The following SLC24A4 variants were observed in gnomAD, a reference collection of about 807,000 sequenced individuals.
SLC24A4 encodes the protein sodium/potassium/calcium exchanger 4.
SLC24A4 carries 53 observed loss-of-function variants against 79.0 expected under a neutral mutation model. The ratio of observed to expected loss-of-function variants is 0.67; its 90% CI spans 0.54 to 0.84. SLC24A4 has a LOEUF of 0.84. SLC24A4 is among the 40% of genes least tolerant of loss of function. SLC24A4 has a pLI of 0.00. For synonymous variants in SLC24A4, 323 were observed against 323.8 expected (o/e 1.00, Z 0.03); for missense variants, 731 against 822.0 (o/e 0.89, Z 1.35).
chr14:92,481,923 A>G (rs1352227416), intron 12 of SLC24A4, among the ~76,000 whole-genome samples: 2 of 152,156 alleles, frequency 1.3e-5, no homozygotes. Flanking sequence ...CTATGCTTAC[A>G]CTCAATGGCT....
In SLC24A4 at chr14:92,398,729, G is replaced by T. The variant is rs965077331; in HGVS notation, c.242-35183G>T. 1.3e-5 allele frequency among the ~76,000 whole-genome samples: 2 copies of T among 152,156 alleles called. No homozygotes were observed. Among genetic ancestry groups the T allele is most frequent in the African/African-American group, 4.8e-5 (2 of 41,434 alleles). ...TTGCTTGGACACACTGGGCTGCACA[G>T]GCCAGGAAATTACCAGCATGTCCTC... On this transcript the variant is annotated intron_variant, in intron 2 of 16. Coordinates refer to ENST00000532405, the MANE Select transcript of SLC24A4 (RefSeq NM_153646.4). The surrounding 1 kb of genome is among the most constrained non-coding windows in gnomAD (Gnocchi z 4.1).
At chr14:92,347,965 A>G (rs1007490892) in intron 2 of SLC24A4, among the ~76,000 whole-genome samples, 3 of 152,198 alleles carry the variant, frequency 2.0e-5, no homozygotes, top group Non-Finnish European at 4.4e-5. Context: ...AAAAACTTTT[A>G]AAGAAAATAC....
intron 2 of SLC24A4, among the ~76,000 whole-genome samples, chr14:92,343,346 CA>C (rs1329688855): frequency 6.6e-6 from 1 of 152,210 alleles, no homozygotes; most frequent in African/African-American, 2.4e-5. Flanking sequence ...ATGTCCCTTT[CA>C]GGAGTAGCTG....
chr14:92,444,849 C>T (rs1053649029), intron 7 of SLC24A4, among the ~76,000 whole-genome samples: 9 of 150,882 alleles, frequency 6.0e-5, no homozygotes, highest in East Asian at 2.0e-4. Context: ...AGCAAGACTA[C>T]GTCTCAAAAA....
chr14:92,366,017 C>T (rs185996894), intron 2 of SLC24A4, among the ~76,000 whole-genome samples: 1 of 152,366 alleles, frequency 6.6e-6, no homozygotes, highest in East Asian at 1.9e-4. Flanking sequence ...ACAAATCCTT[C>T]ATGCGTGTAA....
intron 12 of SLC24A4, among the ~76,000 whole-genome samples, chr14:92,472,543 C>A (rs114426657): frequency 0.019 from 2,873 of 152,168 alleles, 86 homozygotes; most frequent in African/African-American, 0.065. Context: ...AATAATAGTC[C>A]CCAATCCCAT....
intron 2 of SLC24A4, among the ~76,000 whole-genome samples, chr14:92,350,695 AT>A (rs1886814236): frequency 6.6e-6 from 1 of 152,222 alleles, no homozygotes; most frequent in Non-Finnish European, 1.5e-5. Context: ...TCAATTCATT[AT>A]GGAGATTAGC....
chr14:92,463,635 G>A (rs1198874638), intron 12 of SLC24A4, among the ~76,000 whole-genome samples: 2 of 152,148 alleles, frequency 1.3e-5, no homozygotes, highest in Non-Finnish European at 2.9e-5. Flanking sequence ...CTGGCTGAGC[G>A]TCCTTATTTT....
chr14:92,385,961 G>A (rs753810007), intron 2 of SLC24A4, among the ~76,000 whole-genome samples: 2 of 152,220 alleles, frequency 1.3e-5, no homozygotes, highest in Non-Finnish European at 2.9e-5. Context: ...TATGGAGGAG[G>A]AAGAGTTTCC....
At chr14:92,349,844 C>T (rs1027535742) in intron 2 of SLC24A4, among the ~76,000 whole-genome samples, 2 of 152,142 alleles carry the variant, frequency 1.3e-5, no homozygotes, top group Non-Finnish European at 1.5e-5. Context: ...AGTGTTGTTT[C>T]CAATAGCAGA....
chr14:92,464,702 G>C (rs1456472679), intron 12 of SLC24A4, among the ~76,000 whole-genome samples: 1 of 152,182 alleles, frequency 6.6e-6, no homozygotes, highest in Non-Finnish European at 1.5e-5. Context: ...AGATGTCACC[G>C]TTAGCTTTCC....
chr14:92,390,283 C>T (rs556848809), intron 2 of SLC24A4, among the ~76,000 whole-genome samples: 7 of 152,138 alleles, frequency 4.6e-5, no homozygotes, highest in South Asian at 2.1e-4. Context: ...GGCATACCCA[C>T]GCCATCTCGC....
chr14:92,419,197 A>G (rs1383530942), intron 2 of SLC24A4, among the ~76,000 whole-genome samples: 1 of 152,222 alleles, frequency 6.6e-6, no homozygotes, highest in African/African-American at 2.4e-5. Flanking sequence ...CAAGTTGGGC[A>G]TAGAACTCAC....
At position 92,427,057 on chromosome 14, in the gene SLC24A4, T is replaced by TAAG. The variant is rs536614499; in HGVS notation, c.242-6852_242-6850dup. Among the ~76,000 whole-genome samples the TAAG allele has an allele frequency of 6.6e-4, 100 of 152,316 alleles. 2 individuals are homozygous for TAAG. The South Asian group carries it at 0.019, about 29-fold the overall frequency. Reference sequence around the variant, plus strand: ...AAGAGAATTGACTAATTGAAAGGTTTAAGAACAACGAGCAGCTCACAGAAA... The same window carrying TAAG: ...AAGAGAATTGACTAATTGAAAGGTTTAAGAAGAACAACGAGCAGCTCACAGAAA... On this transcript the variant is annotated intron_variant, in intron 2 of 16. Coordinates refer to ENST00000532405, the MANE Select transcript of SLC24A4 (RefSeq NM_153646.4).
chr14:92,402,331 A>G (rs1347330367), intron 2 of SLC24A4, among the ~76,000 whole-genome samples: 3 of 152,158 alleles, frequency 2.0e-5, no homozygotes, highest in African/African-American at 7.2e-5. Flanking sequence ...TTATATATCA[A>G]TAGCCTAAAG....
chr14:92,449,245 A>G (rs1280882755), intron 10 of SLC24A4, 29 bp downstream of exon 10: 2 of 1,611,040 alleles, frequency 1.2e-6, no homozygotes, highest in Admixed American at 3.3e-5. Flanking sequence ...GAGTGGGCAG[A>G]AATGTGTCCT....
intron 12 of SLC24A4, among the ~76,000 whole-genome samples, chr14:92,465,132 C>G (rs542457789): frequency 6.6e-6 from 1 of 152,330 alleles, no homozygotes; most frequent in African/African-American, 2.4e-5. Flanking sequence ...ATTTAATGCT[C>G]CCCAGGGCCT....
chr14:92,417,897 C>T (rs1415640468), intron 2 of SLC24A4, among the ~76,000 whole-genome samples: 2 of 152,150 alleles, frequency 1.3e-5, no homozygotes, highest in African/African-American at 2.4e-5. Flanking sequence ...CTAGGATGCT[C>T]GTGCAGCAGT....
chr14:92,394,456 T>C (rs1386498831), intron 2 of SLC24A4, among the ~76,000 whole-genome samples: 2 of 152,034 alleles, frequency 1.3e-5, no homozygotes, highest in African/African-American at 4.8e-5. Flanking sequence ...GTTAAAAAAA[T>C]TAGCTGGGTG....
Sources: allele counts gnomAD v4.1 joint callset (sites outside exome capture counted in the v4.1 genomes callset), GRCh38; gene constraint gnomAD v4.1.1; non-coding constraint Gnocchi (gnomAD v3.1); transcripts MANE v1.5; gene names NCBI Gene and HGNC (gene_info 2026-07-23, HGNC 2026-07-21).